Variants in GPR158 observed in about 807,000 individuals in gnomAD.
GPR158 encodes the protein G protein-coupled receptor 158.
Under a neutral mutation model 78.2 loss-of-function variants are expected in GPR158, and 30 were observed. That is an observed-to-expected ratio of 0.38 (90% CI 0.29 to 0.52). The LOEUF (loss-of-function observed/expected upper bound fraction) is 0.52, where lower values mean the gene tolerates loss of function less well. Among genes scored for constraint, GPR158 ranks in the 20% least tolerant of loss-of-function variants. The probability of loss-of-function intolerance (pLI) is 0.83; values close to 1 mark genes in which losing one functional copy is unlikely to be tolerated. For synonymous variants in GPR158, 581 were observed against 591.1 expected (o/e 0.98, Z 0.25); for missense variants, 1,463 against 1,523.5 (o/e 0.96, Z 0.66).
intron 2 of GPR158, among the ~76,000 whole-genome samples, chr10:25,390,880 A>G (rs1834286837): frequency 6.6e-6 from 1 of 152,198 alleles, no homozygotes; most frequent in East Asian, 1.9e-4. Flanking sequence ...CCCTCCCATC[A>G]CAGGCCTGGA....
At chr10:25,229,943 G>A in intron 2 of GPR158, among the ~76,000 whole-genome samples, 1 of 152,118 alleles carries the variant, frequency 6.6e-6, no homozygotes, top group East Asian at 1.9e-4. Flanking sequence ...TAAGTCTAAG[G>A]CTATATATTA....
At chr10:25,383,502 T>G (rs1834184755) in intron 2 of GPR158, among the ~76,000 whole-genome samples, 1 of 152,138 alleles carries the variant, frequency 6.6e-6, no homozygotes, top group Admixed American at 6.5e-5. Flanking sequence ...TTTCAGGAAA[T>G]TTAGGCGGAG....
intron 6 of GPR158, among the ~76,000 whole-genome samples, chr10:25,562,187 C>CT (rs1564490506): frequency 1.3e-5 from 2 of 151,912 alleles, no homozygotes; most frequent in Non-Finnish European, 2.9e-5. Flanking sequence ...TCTAATGAGT[C>CT]TTTTTTCTTG....
intron 5 of GPR158, among the ~76,000 whole-genome samples, chr10:25,514,716 G>T (rs547791176): frequency 1.3e-5 from 2 of 152,228 alleles, no homozygotes; most frequent in South Asian, 4.1e-4. Context: ...GCTTGGTTGT[G>T]AATTCTCTTA....
chr10:25,588,184 T>G (rs1400410451), intron 7 of GPR158, among the ~76,000 whole-genome samples: 1 of 152,266 alleles, frequency 6.6e-6, no homozygotes, highest in Non-Finnish European at 1.5e-5. Flanking sequence ...TTTTATTTAA[T>G]TAGCACATAA....
intron 2 of GPR158, among the ~76,000 whole-genome samples, chr10:25,332,541 T>C (rs536175868): frequency 1.3e-5 from 2 of 152,164 alleles, no homozygotes; most frequent in Non-Finnish European, 2.9e-5. Context: ...GTTTAGCAAA[T>C]GTTTACTGGA....
chr10:25,503,113 A>T (rs1385205836), intron 5 of GPR158, among the ~76,000 whole-genome samples: 1 of 152,094 alleles, frequency 6.6e-6, no homozygotes, highest in Non-Finnish European at 1.5e-5. Flanking sequence ...GCAGTGGCTC[A>T]TGCCTGTAAT....
chr10:25,343,391 C>CTAT (rs1855331119), intron 2 of GPR158, among the ~76,000 whole-genome samples: 1 of 151,982 alleles, frequency 6.6e-6, no homozygotes, highest in Admixed American at 6.6e-5. Context: ...ATATCTCTTA[C>CTAT]TATTGTGTGT....
intron 4 of GPR158, among the ~76,000 whole-genome samples, chr10:25,450,637 ACT>A (rs1835203658): frequency 6.6e-6 from 1 of 151,684 alleles, no homozygotes; most frequent in Non-Finnish European, 1.5e-5. Context: ...CTGTAAATAG[ACT>A]CTACTTTGAT....
rs747365282 is a variant in GPR158 at position 25,412,240 on chromosome 10, G to T, written c.1112-10G>T. Reference sequence around the variant, plus strand: ...GCAAATGACACTGTGGTTTTATTTGGAACTTTCAGGAAGGGGTCCGGATCA... The same window carrying T: ...GCAAATGACACTGTGGTTTTATTTGTAACTTTCAGGAAGGGGTCCGGATCA... On this transcript the variant is annotated splice_polypyrimidine_tract_variant and intron_variant, in intron 3 of 10. Coordinates refer to ENST00000376351, the MANE Select transcript of GPR158 (RefSeq NM_020752.3). 2 of 1,603,442 alleles carry T rather than the reference G, an allele frequency of 1.2e-6. No individual in the cohort carries two copies. Among genetic ancestry groups the T allele is most frequent in the East Asian group, 2.2e-5 (1 of 44,816 alleles).
At position 25,385,718 on chromosome 10, in the gene GPR158, T is replaced by C. The variant is rs138493179; in HGVS notation, c.1009-10193T>C. 5.8e-3 allele frequency among the ~76,000 whole-genome samples: 883 copies of C among 152,278 alleles called. 5 individuals carry two copies. Among genetic ancestry groups the C allele is most frequent in the African/African-American group, 0.018 (765 of 41,580 alleles). On this transcript the variant is annotated intron_variant, in intron 2 of 10. Transcript: ENST00000376351. ...TTTGATTTGCATTTCTCTAAGTATT[T>C]AGTGATGTTTAACATCTTTTCATTG...
At chr10:25,178,430 A>G (rs1405709121) in intron 1 of GPR158, among the ~76,000 whole-genome samples, 1 of 152,140 alleles carries the variant, frequency 6.6e-6, no homozygotes, top group Non-Finnish European at 1.5e-5. Context: ...ATCTCTCTTA[A>G]TCATATGGAT....
intron 10 of GPR158, among the ~76,000 whole-genome samples, 195 bp from the exon 11 acceptor site, chr10:25,597,577 T>C (rs1837426418): frequency 6.6e-6 from 1 of 152,194 alleles, no homozygotes; most frequent in African/African-American, 2.4e-5. Flanking sequence ...GTCCACACTT[T>C]ATGTGAAACA....
At chr10:25,383,124 C>G (rs1394347765) in intron 2 of GPR158, among the ~76,000 whole-genome samples, 1 of 152,104 alleles carries the variant, frequency 6.6e-6, no homozygotes, top group Non-Finnish European at 1.5e-5. Context: ...CATGAGCCGC[C>G]GCTCCCGGCC....
chr10:25,596,845 C>T, intron 10 of GPR158, 56 bp downstream of exon 10: 1 of 1,521,368 alleles, frequency 6.6e-7, no homozygotes, highest in Non-Finnish European at 9.1e-7. Context: ...TTTATACAGG[C>T]AGGCGTGTGT....
At chr10:25,178,647 C>G (rs1340925686) in intron 1 of GPR158, among the ~76,000 whole-genome samples, 4 of 152,168 alleles carry the variant, frequency 2.6e-5, no homozygotes, top group Non-Finnish European at 5.9e-5. Context: ...TAGTGTCTGG[C>G]TCTCTATAGA....
intron 3 of GPR158, among the ~76,000 whole-genome samples, chr10:25,398,666 C>T (rs940222911): frequency 4.1e-4 from 62 of 152,228 alleles, no homozygotes; most frequent in Middle Eastern, 3.4e-3. Flanking sequence ...CCAGTGTTTT[C>T]TTACTGGACC....
chr10:25,551,141 G>T, intron 6 of GPR158, 56 bp downstream of exon 6: 1 of 983,692 alleles, frequency 1.0e-6, no homozygotes, highest in Non-Finnish European at 1.7e-6. Context: ...AATCAGCTTG[G>T]CACATAATTG....
intron 4 of GPR158, among the ~76,000 whole-genome samples, chr10:25,433,695 T>TTTC (rs71730374): frequency 1.8e-4 from 24 of 133,526 alleles, no homozygotes; most frequent in Non-Finnish European, 3.1e-4. Context: ...TCTTTCTTTC[T>TTTC]TTTTTTTTTT....
Sources: allele counts gnomAD v4.1 joint callset (sites outside exome capture counted in the v4.1 genomes callset), GRCh38; gene constraint gnomAD v4.1.1; transcripts MANE v1.5; gene names NCBI Gene and HGNC (gene_info 2026-07-23, HGNC 2026-07-21).